The following CACNA1E variants were observed in gnomAD, a reference collection of about 807,000 sequenced individuals.
CACNA1E encodes the protein voltage-dependent R-type calcium channel subunit alpha-1E.
Under a neutral mutation model 259.2 loss-of-function variants are expected in CACNA1E, and 40 were observed. The ratio of observed to expected loss-of-function variants is 0.15; its 90% confidence interval spans 0.12 to 0.20. CACNA1E has a LOEUF of 0.20. Among genes scored for constraint, CACNA1E ranks in the 10% least tolerant of loss-of-function variants. CACNA1E has a pLI of 1.00. For missense variants in CACNA1E, 1,874 were observed against 3,040.1 expected (o/e 0.62, Z 9.02); for synonymous variants, 1,104 against 1,138.5 (o/e 0.97, Z 0.61).
intron 1 of CACNA1E, among the ~76,000 whole-genome samples, chr1:181,405,489 CT>C (rs773015322): frequency 6.6e-6 from 1 of 152,206 alleles, no homozygotes; most frequent in Non-Finnish European, 1.5e-5. Flanking sequence ...ATTTTGTTTT[CT>C]TTCCAGTTAA....
rs1662741798 is a variant in CACNA1E, at chr1:181,807,955, G to C, written c.*9121G>C. 1 of 152,146 alleles carries C rather than the reference G, an allele frequency of 6.6e-6. No homozygotes were observed. The allele number at this position is 152,146 out of a possible 1,614,324, so 9.4% of individuals were successfully genotyped here. ...ATAATAAGTTGGTTTCTTGGGCAAAGGTTGGTTTGTAAGCCATTTACATGG... is the reference window on the plus strand; with the variant it reads ...ATAATAAGTTGGTTTCTTGGGCAAACGTTGGTTTGTAAGCCATTTACATGG... On this transcript the variant is annotated 3_prime_UTR_variant, in exon 48 of 48. Transcript: ENST00000367573.
intron 7 of CACNA1E, chr1:181,668,726 A>G (rs1242476299): frequency 6.6e-6 from 1 of 152,162 alleles, no homozygotes; most frequent in Admixed American, 6.5e-5. Flanking sequence ...TCTCGAAGTT[A>G]TAAGACAATA....
rs537411598 is a variant in CACNA1E, at chr1:181,403,727, T to A, written c.-14-9406T>A. Among the ~76,000 whole-genome samples the A allele has an allele frequency of 5.2e-4, 79 of 152,184 alleles. 1 individual carries two copies. Among genetic ancestry groups the A allele is most frequent in the Admixed American group, 2.0e-3 (31 of 15,298 alleles). On this transcript the variant is annotated intron_variant, in intron 1 of 11. Coordinates refer to the CACNA1E transcript ENST00000524607. ...CTCCCTCAACTAATGTGCTTTGGGG[T>A]GTAAGTAACAGAAAACCTGACTCAA...
intron 6 of CACNA1E, among the ~76,000 whole-genome samples, chr1:181,638,910 T>G (rs189844122): frequency 1.7e-3 from 259 of 152,266 alleles, no homozygotes; most frequent in African/African-American, 6.1e-3. Context: ...GAACTGTGAG[T>G]CAGTTAAACC....
intron 18 of CACNA1E, among the ~76,000 whole-genome samples, chr1:181,728,007 G>A (rs1018451175): frequency 1.3e-5 from 2 of 152,184 alleles, no homozygotes; most frequent in Non-Finnish European, 2.9e-5. Context: ...TCTTCTGTGA[G>A]TGAAAGAGAA....
intron 6 of CACNA1E, among the ~76,000 whole-genome samples, chr1:181,619,752 A>G (rs1655558676): frequency 6.6e-6 from 1 of 152,076 alleles, no homozygotes; most frequent in Non-Finnish European, 1.5e-5. Flanking sequence ...TTATTGATGA[A>G]CCTGACATGG....
At chr1:181,648,196 C>T (rs899276156) in intron 6 of CACNA1E, among the ~76,000 whole-genome samples, 2 of 152,204 alleles carry the variant, frequency 1.3e-5, no homozygotes, top group Non-Finnish European at 2.9e-5. Flanking sequence ...GGAGAATCTT[C>T]ATATTAGAAT....
chr1:181,576,837 CTT>C (rs1453677063), intron 3 of CACNA1E, among the ~76,000 whole-genome samples: 2 of 152,170 alleles, frequency 1.3e-5, no homozygotes, highest in African/African-American at 2.4e-5. Flanking sequence ...ATAGAACACT[CTT>C]AATATTAAAT....
At chr1:181,701,796 G>C (rs551749241) in intron 7 of CACNA1E, among the ~76,000 whole-genome samples, 127 of 152,350 alleles carry the variant, frequency 8.3e-4, no homozygotes, top group African/African-American at 3.0e-3. Flanking sequence ...CCACTTATGG[G>C]AGGGATTCAT....
At position 181,551,383 on chromosome 1, in the gene CACNA1E, G is replaced by A. The variant is rs544234782; in HGVS notation, c.513-26383G>A. ...GTGGTTGGTGGGGTGGTGATGCAGC[G>A]TTTGGCCTGTGCAGCTGAGGTCCTC... On this transcript the variant is annotated intron_variant, in intron 3 of 47. Transcript: ENST00000367573. Among the ~76,000 whole-genome samples the A allele has an allele frequency of 1.4e-4, 22 of 152,300 alleles. No homozygotes were observed. In the South Asian group the frequency reaches 3.5e-3, roughly 24 times the overall value.
At chr1:181,747,274 A>T (rs1228897708) in intron 25 of CACNA1E, among the ~76,000 whole-genome samples, 5 of 152,248 alleles carry the variant, frequency 3.3e-5, no homozygotes, top group Non-Finnish European at 7.3e-5. Context: ...TGGGAGGAGA[A>T]TCAGTTCCTG....
At position 181,626,758 on chromosome 1, in the gene CACNA1E, A is replaced by C. The variant is rs1656241311; in HGVS notation, c.952-24580A>C. ...ATGATTCACTTTCTCTTTCATGAAGAGAAAGCACTTCAGAAACTTATGGGG... is the reference window on the plus strand; with the variant it reads ...ATGATTCACTTTCTCTTTCATGAAGCGAAAGCACTTCAGAAACTTATGGGG... On this transcript the variant is annotated intron_variant, in intron 6 of 47. Coordinates refer to ENST00000367573, the MANE Select transcript of CACNA1E (RefSeq NM_001205293.3). Among the ~76,000 whole-genome samples the C allele has an allele frequency of 2.0e-5, 3 of 152,354 alleles. No homozygotes were observed. In the South Asian group the frequency reaches 6.2e-4, roughly 32 times the overall value.
chr1:181,627,940 G>T (rs1254169611), intron 6 of CACNA1E, among the ~76,000 whole-genome samples: 2 of 152,096 alleles, frequency 1.3e-5, no homozygotes, highest in Non-Finnish European at 2.9e-5. Context: ...TTGTGAAATT[G>T]GCATTTGAGA....
intron 1 of CACNA1E, among the ~76,000 whole-genome samples, chr1:181,398,853 A>G (rs1656881111): frequency 6.6e-6 from 1 of 152,192 alleles, no homozygotes. Context: ...TGAAATCTGT[A>G]GCCCCATCCC....
chr1:181,438,881 C>T (rs992137505), intron 2 of CACNA1E, among the ~76,000 whole-genome samples: 2 of 151,272 alleles, frequency 1.3e-5, no homozygotes, highest in Non-Finnish European at 2.9e-5. Flanking sequence ...TAGTATTTTA[C>T]TTGTGATAGC....
chr1:181,444,957 A>G (rs1660713032), intron 2 of CACNA1E, among the ~76,000 whole-genome samples: 2 of 152,104 alleles, frequency 1.3e-5, no homozygotes, highest in Admixed American at 6.5e-5. Context: ...TTGACTTCTG[A>G]TCTTTCAGAA....
intron 43 of CACNA1E, among the ~76,000 whole-genome samples, chr1:181,788,104 T>C (rs1660997066): frequency 6.6e-6 from 1 of 152,150 alleles, no homozygotes; most frequent in Non-Finnish European, 1.5e-5. Context: ...AAATTATCAG[T>C]GATAGTAGCT....
intron 1 of CACNA1E, among the ~76,000 whole-genome samples, chr1:181,384,507 G>C (rs906960796): frequency 7.9e-5 from 12 of 152,126 alleles, no homozygotes; most frequent in Non-Finnish European, 1.3e-4. Flanking sequence ...GTGAACTCAG[G>C]GTTCTCGTTT....
At chr1:181,793,879 G>C (rs61814578) in intron 45 of CACNA1E, 86 bp downstream of exon 45, 2 of 1,413,128 alleles carry the variant, frequency 1.4e-6, no homozygotes, top group East Asian at 4.9e-5. Context: ...TTGCAGGTGA[G>C]CCGTTGACTT....
Sources: allele counts gnomAD v4.1 joint callset (sites outside exome capture counted in the v4.1 genomes callset), GRCh38; gene constraint gnomAD v4.1.1; transcripts MANE v1.5; gene names NCBI Gene and HGNC (gene_info 2026-07-23, HGNC 2026-07-21).